Variants in UBAP2 observed in about 807,000 individuals in gnomAD.
UBAP2 encodes the protein ubiquitin associated protein 2, also known as ubiquitin-associated protein 2.
A neutral mutation model predicts 139.6 loss-of-function variants in UBAP2; 75 were observed. The ratio of observed to expected loss-of-function variants is 0.54; its 90% CI spans 0.45 to 0.65. The LOEUF (loss-of-function observed/expected upper bound fraction) is 0.65, where lower values mean the gene tolerates loss of function less well. Among genes scored for constraint, UBAP2 ranks in the 30% least tolerant of loss-of-function variants. The pLI is 0.00. For missense variants in UBAP2, 1,368 were observed against 1,369.6 expected (o/e 1.00, Z 0.02); for synonymous variants, 526 against 526.2 (o/e 1.00, Z 0.01).
chr9:34,034,305 G>C (rs1826137989), intron 1 of UBAP2, among the ~76,000 whole-genome samples: 2 of 152,090 alleles, frequency 1.3e-5, no homozygotes, highest in South Asian at 4.1e-4. Context: ...CATGAATCCA[G>C]GATATCAAGT....
chr9:33,937,030 C>G (rs1432887715), intron 16 of UBAP2, among the ~76,000 whole-genome samples: 3 of 150,430 alleles, frequency 2.0e-5, no homozygotes, highest in Admixed American at 2.0e-4. Flanking sequence ...ACTTCTGGCC[C>G]AGACAGCTGT....
intron 1 of UBAP2, among the ~76,000 whole-genome samples, chr9:34,019,028 A>G (rs1038115106): frequency 3.3e-5 from 5 of 152,178 alleles, no homozygotes; most frequent in African/African-American, 1.2e-4. Flanking sequence ...AGCCTTAAGA[A>G]GGGAAGATAT....
Position 33,944,441 on chromosome 9 carries a change from T to C in UBAP2, c.1469A>G (p.Asn490Ser), listed in dbSNP as rs1321732168. The change falls in exon 14 of 29, where the codon AAT becomes AGT. Residue 490 changes from asparagine to serine, a missense_variant. Transcript: ENST00000379238. Reference sequence around the variant, plus strand: ...TGGCTGGTGGACAGACACAGAGATATTTTCAATGGTCGTGCTGGGAAGCTG... The same window carrying C: ...TGGCTGGTGGACAGACACAGAGATACTTTCAATGGTCGTGCTGGGAAGCTG... ...LLQLPSTTIE[N>S]ISVSVHQPQP... 8.1e-6 allele frequency: 13 copies of C among 1,614,114 alleles called. No individual in the cohort carries two copies. In the South Asian group the frequency reaches 1.3e-4, roughly 16 times the overall value.
At chr9:33,967,939 T>C (rs982212998) in intron 8 of UBAP2, 15 of 192,724 alleles carry the variant, frequency 7.8e-5, no homozygotes, top group Admixed American at 5.0e-4. Context: ...ACTTCCAGTG[T>C]TTTCACTACA....
chr9:33,990,414 T>G (rs1434877103), intron 4 of UBAP2, among the ~76,000 whole-genome samples: 2 of 152,162 alleles, frequency 1.3e-5, no homozygotes, highest in African/African-American at 2.4e-5. Flanking sequence ...AAATGGAATA[T>G]CTGGTCTTCT....
chr9:34,041,013 T>C (rs980575811), intron 1 of UBAP2, among the ~76,000 whole-genome samples: 7 of 152,124 alleles, frequency 4.6e-5, no homozygotes, highest in African/African-American at 1.4e-4. Flanking sequence ...AAAATGGACT[T>C]TGTTTGTTGT....
chr9:33,928,970 A>G (rs1823728639), intron 19 of UBAP2: 1 of 152,390 alleles, frequency 6.6e-6, no homozygotes, highest in African/African-American at 2.4e-5. Context: ...CAGAGCTAAC[A>G]TCCAGAACAG....
chr9:33,940,200 T>G (rs72727345), intron 16 of UBAP2, among the ~76,000 whole-genome samples: 11,999 of 152,194 alleles, frequency 0.079, 681 homozygotes, highest in Non-Finnish European at 0.12. Flanking sequence ...GTGTCGTTTC[T>G]TTGGCTCTAG....
At chr9:34,047,978 G>C (rs1030714204) in intron 1 of UBAP2, among the ~76,000 whole-genome samples, 24 of 152,240 alleles carry the variant, frequency 1.6e-4, no homozygotes, top group Middle Eastern at 3.4e-3. Context: ...CATCAAACAG[G>C]AAATAACAGT....
chr9:33,937,599 C>CAAAAAA (rs1185167927), intron 16 of UBAP2, among the ~76,000 whole-genome samples: 1 of 85,508 alleles, frequency 1.2e-5, no homozygotes, highest in African/African-American at 5.1e-5. Flanking sequence ...GACTCTGTCT[C>CAAAAAA]AAAAAAAAAA....
At chr9:33,940,847 T>G (rs1305802119) in intron 16 of UBAP2, among the ~76,000 whole-genome samples, 1 of 152,362 alleles carries the variant, frequency 6.6e-6, no homozygotes. Flanking sequence ...TTAGCATTTC[T>G]TATCAATAAA....
At position 33,923,033 on chromosome 9, in the gene UBAP2, C is replaced by T. The variant is rs1214816886; in HGVS notation, c.3005G>A (p.Gly1002Glu). 1 of 1,614,082 alleles carries T rather than the reference C, an allele frequency of 6.2e-7. No individual in the cohort carries two copies. Among genetic ancestry groups the T allele is most frequent in the South Asian group, 1.1e-5 (1 of 91,082 alleles). ...AGTGGTGCTTGAAGACACTGATACT[C>T]CTAGGAGGAAAAGCAGTTGTTCCCC... ...NKSAGSGPGK[G>E]VSVSSSTTGL... The change falls in exon 27 of 29, where the codon GGA becomes GAA. Residue 1002 changes from glycine (G) to glutamate (E), a missense_variant and splice_region_variant. By Grantham distance (98) the Gly-to-Glu change is moderately conservative (BLOSUM62 -2). Transcript: ENST00000379238.
rs1245010851 is a variant in UBAP2, at chr9:33,988,958, A to G, written c.442+15T>C. On this transcript the variant is annotated intron_variant, in intron 5 of 28. Coordinates refer to ENST00000379238, the MANE Select transcript of UBAP2 (RefSeq NM_001370062.2). ...TGAAAGAAGAGAAAAAACTGAGGAGAAAGTCTGTACTTACATTCTCTGCCA... is the reference window on the plus strand; with the variant it reads ...TGAAAGAAGAGAAAAAACTGAGGAGGAAGTCTGTACTTACATTCTCTGCCA... The G allele has an allele frequency of 5.6e-6, 9 of 1,594,062 alleles. No homozygotes were observed. In the East Asian group the frequency reaches 1.8e-4, roughly 32 times the overall value.
chr9:33,978,854 A>C, intron 6 of UBAP2, among the ~76,000 whole-genome samples: 1 of 152,148 alleles, frequency 6.6e-6, no homozygotes, highest in Non-Finnish European at 1.5e-5. Context: ...AAGGTAAAGC[A>C]GTGAGAAAGG....
Position 33,973,348 on chromosome 9 carries a change from T to C in UBAP2, c.521-111A>G, listed in dbSNP as rs142469786. 2.3e-4 allele frequency: 279 copies of C among 1,203,888 alleles called. 1 individual carries two copies. The African/African-American group carries it at 3.8e-3, about 16-fold the overall frequency. The allele number at this position is 1,203,888 out of a possible 1,614,324, so 74.6% of individuals were successfully genotyped here. The stretch of plus-strand genomic sequence containing the variant: ...CAGACAATATTATCATTATTCCTAG[T>C]AGCACCAACATTCCAATCCAGGGCA... On this transcript the variant is annotated intron_variant, in intron 6 of 28. Transcript: ENST00000379238.
intron 1 of UBAP2, among the ~76,000 whole-genome samples, chr9:34,040,609 C>T (rs1369562635): frequency 6.6e-6 from 1 of 152,094 alleles, no homozygotes; most frequent in Non-Finnish European, 1.5e-5. Flanking sequence ...AAGTTGCTAA[C>T]TTAACAAAGC....
intron 6 of UBAP2, among the ~76,000 whole-genome samples, chr9:33,982,880 G>GTTTTTTTTTTTTT (rs544925444): frequency 2.9e-5 from 4 of 138,508 alleles, no homozygotes; most frequent in Non-Finnish European, 1.6e-5. Context: ...GTTTTTTTTT[G>GTTTTTTTTTTTTT]TTTTTTTTTT....
At chr9:33,999,507 CT>C (rs1366132264) in intron 2 of UBAP2, among the ~76,000 whole-genome samples, 2 of 152,108 alleles carry the variant, frequency 1.3e-5, no homozygotes, top group Non-Finnish European at 2.9e-5. Context: ...AGAAAAAAAG[CT>C]GTATTTAGCT....
intron 6 of UBAP2, among the ~76,000 whole-genome samples, chr9:33,979,519 G>A (rs981304040): frequency 3.9e-5 from 6 of 151,968 alleles, no homozygotes; most frequent in Non-Finnish European, 7.4e-5. Context: ...AGGTTGCGGT[G>A]AGCCAAGATC....
Sources: allele counts gnomAD v4.1 joint callset (sites outside exome capture counted in the v4.1 genomes callset), GRCh38; gene constraint gnomAD v4.1.1; transcripts MANE v1.5; gene names NCBI Gene and HGNC (gene_info 2026-07-23, HGNC 2026-07-21).